The following LIPJ variants were observed in gnomAD, a reference collection of about 807,000 sequenced individuals.
The protein encoded by LIPJ is lipase member J.
In LIPJ, 33 loss-of-function variants were observed where a neutral mutation model predicts 39.8. The ratio of observed to expected loss-of-function variants is 0.83; its 90% confidence interval spans 0.63 to 1.11. LIPJ has a LOEUF of 1.11. Ranked by LOEUF, LIPJ falls within the 50% of genes least tolerant of loss-of-function variation. LIPJ has a pLI of 0.00. For missense variants in LIPJ, 422 were observed against 427.9 expected (o/e 0.99, Z 0.12); for synonymous variants, 128 against 139.2 (o/e 0.92, Z 0.57).
chr10:88,589,304 T>C (rs1233273204), intron 2 of LIPJ, among the ~76,000 whole-genome samples: 1 of 151,870 alleles, frequency 6.6e-6, no homozygotes, highest in African/African-American at 2.4e-5. Context: ...CTGAGTAGAC[T>C]TGCTGCCTGC....
At chr10:88,601,476 C>T (rs1205677329) in intron 8 of LIPJ, among the ~76,000 whole-genome samples, 1 of 152,160 alleles carries the variant, frequency 6.6e-6, no homozygotes, top group South Asian at 2.1e-4. Flanking sequence ...TAATCTATGG[C>T]CTTTAGTCCA....
chr10:88,609,935 G>C (rs372221814), downstream of LIPJ, among the ~76,000 whole-genome samples: 109 of 149,702 alleles, frequency 7.3e-4, no homozygotes, highest in African/African-American at 2.4e-3. Context: ...CTGAAGAAGT[G>C]AGAGGGTGCT....
chr10:88,594,513 A>G (rs2134552234), intron 5 of LIPJ, among the ~76,000 whole-genome samples, 154 bp from the exon 6 acceptor site: 1 of 151,990 alleles, frequency 6.6e-6, no homozygotes, highest in Middle Eastern at 3.4e-3. Context: ...GTTCCCACAG[A>G]AGTCTCTATT....
chr10:88,619,468 C>CACACACACACACACACACACACACAT, the LIPJ span, among the ~76,000 whole-genome samples: 2 of 151,912 alleles, frequency 1.3e-5, no homozygotes, highest in Non-Finnish European at 2.9e-5. Flanking sequence ...CACACACACA[C>CACACACACACACACACACACACACAT]ACATATCCCT....
At chr10:88,611,646 G>A (rs569061732), downstream of LIPJ, among the ~76,000 whole-genome samples, 104 of 152,224 alleles carry the variant, frequency 6.8e-4, no homozygotes, top group African/African-American at 2.3e-3. Context: ...GAATAGAATC[G>A]AACAGGCAGA....
chr10:88,596,324 A>G, exon 7 of LIPJ: 2 of 1,547,568 alleles, frequency 1.3e-6, no homozygotes, highest in East Asian at 2.3e-5. Context: ...TGAAAGAATC[A>G]AAATATTTTT....
At position 88,590,695 on chromosome 10, in the gene LIPJ, T is replaced by C. The variant is rs747496764; in HGVS notation, c.8T>C (p.Ile3Thr). The C allele has an allele frequency of 3.1e-6, 5 of 1,593,882 alleles. No homozygotes were observed. In the South Asian group the frequency reaches 4.5e-5, roughly 14 times the overall value. The stretch of plus-strand genomic sequence containing the variant: ...GTGAAACCTGAAGCAGATATGAATA[T>C]TGTAAGTTGTTAGAAAATAAATCTG... Residue 3 changes from isoleucine (I) to threonine (T), a missense_variant and splice_region_variant, in exon 3 of 11, where the codon ATT becomes ACT. Physicochemically the swap from Ile to Thr is moderately conservative, Grantham distance 89. Transcript: ENST00000371939.
At chr10:88,611,442 C>T (rs1590092978), downstream of LIPJ, among the ~76,000 whole-genome samples, 1 of 152,140 alleles carries the variant, frequency 6.6e-6, no homozygotes, top group East Asian at 1.9e-4. Flanking sequence ...AAAAAGAATT[C>T]AGAAAGTTGA....
chr10:88,593,236 T>C, intron 4 of LIPJ: 1 of 151,786 alleles, frequency 6.6e-6, no homozygotes, highest in East Asian at 1.9e-4. Context: ...ATGCTTACAG[T>C]GCCTTGGTGG....
intron 8 of LIPJ, among the ~76,000 whole-genome samples, chr10:88,599,476 TTTTA>T (rs765738519): frequency 1.3e-5 from 2 of 152,002 alleles, no homozygotes; most frequent in Admixed American, 6.6e-5. Flanking sequence ...GAGCTCACTC[TTTTA>T]TTTATTTATT....
At chr10:88,609,160 G>A (rs939710420), downstream of LIPJ, among the ~76,000 whole-genome samples, 2 of 152,072 alleles carry the variant, frequency 1.3e-5, no homozygotes, top group Non-Finnish European at 2.9e-5. Flanking sequence ...CAAGAACCTG[G>A]ACCCCCTCCA....
the LIPJ span, among the ~76,000 whole-genome samples, chr10:88,612,957 C>G: frequency 6.6e-6 from 1 of 152,186 alleles, no homozygotes; most frequent in Non-Finnish European, 1.5e-5. Flanking sequence ...GCACATGGAA[C>G]ATTCTTCAAG....
chr10:88,602,736 G>C (rs1016741983), intron 9 of LIPJ, 89 bp downstream of exon 9: 1 of 664,930 alleles, frequency 1.5e-6, no homozygotes, highest in African/African-American at 1.9e-5. Flanking sequence ...CATGGCCATA[G>C]AGTAATAAAT....
intron 9 of LIPJ, among the ~76,000 whole-genome samples, chr10:88,603,002 G>A (rs1288830441): frequency 6.6e-6 from 1 of 152,144 alleles, no homozygotes; most frequent in Non-Finnish European, 1.5e-5. Context: ...TGAGGTGGGA[G>A]AATCACTTGA....
downstream of LIPJ, among the ~76,000 whole-genome samples, chr10:88,610,420 C>T (rs1441625915): frequency 6.6e-6 from 1 of 152,004 alleles, no homozygotes; most frequent in African/African-American, 2.4e-5. Flanking sequence ...CTTAAAAATA[C>T]AGATAAATAC....
intron 4 of LIPJ, chr10:88,592,014 T>G (rs1851095578): frequency 6.6e-6 from 1 of 151,938 alleles, no homozygotes; most frequent in Non-Finnish European, 1.5e-5. Context: ...GATCTGCCAC[T>G]TACTAGTAGA....
At chr10:88,614,227 A>T in the LIPJ span, among the ~76,000 whole-genome samples, 27 of 152,184 alleles carry the variant, frequency 1.8e-4, no homozygotes, top group African/African-American at 5.5e-4. Context: ...TTAGAGATGT[A>T]TGGTGAAATA....
chr10:88,620,801 A>G, the LIPJ span, among the ~76,000 whole-genome samples: 2 of 152,218 alleles, frequency 1.3e-5, no homozygotes, highest in Non-Finnish European at 2.9e-5. Flanking sequence ...GCAATAAAAG[A>G]TACTATAAAC....
intron 2 of LIPJ, among the ~76,000 whole-genome samples, 163 bp from the exon 3 acceptor site, chr10:88,590,422 T>C (rs1425480067): frequency 1.3e-5 from 2 of 151,844 alleles, no homozygotes; most frequent in African/African-American, 2.4e-5. Flanking sequence ...CTGCCAGTTA[T>C]ACATTTTATG....
Sources: allele counts gnomAD v4.1 joint callset (sites outside exome capture counted in the v4.1 genomes callset), GRCh38; gene constraint gnomAD v4.1.1; transcripts MANE v1.5; gene names NCBI Gene and HGNC (gene_info 2026-07-23, HGNC 2026-07-21).